The following AOPEP variants were observed in gnomAD, a reference collection of about 807,000 sequenced individuals.
AOPEP encodes aminopeptidase O (putative), also known as aminopeptidase O.
Under a neutral mutation model 98.1 loss-of-function variants are expected in AOPEP, and 77 were observed. That is an observed-to-expected ratio of 0.78 (90% CI 0.65 to 0.95). AOPEP has a LOEUF of 0.95. Among genes scored for constraint, AOPEP ranks in the 40% least tolerant of loss-of-function variants. The pLI, the probability that AOPEP is intolerant of heterozygous loss-of-function variation, is 0.00. For missense variants in AOPEP, 1,024 were observed against 1,024.7 expected, an observed-to-expected ratio of 1.00 and a Z score of 0.01; for synonymous variants, 346 against 365.3, an observed-to-expected ratio of 0.95 and a Z score of 0.60.
intron 16 of AOPEP, among the ~76,000 whole-genome samples, chr9:95,083,608 C>T (rs1243144555): frequency 3.3e-5 from 5 of 151,448 alleles, no homozygotes; most frequent in East Asian, 2.0e-4. Flanking sequence ...ATGCACCACA[C>T]GTAGCGCGCA....
At chr9:94,943,939 A>C (rs1170236360) in intron 7 of AOPEP, among the ~76,000 whole-genome samples, 5 of 151,394 alleles carry the variant, frequency 3.3e-5, no homozygotes, top group Non-Finnish European at 5.9e-5. Flanking sequence ...AAAAAAAAAA[A>C]AAAAAAAACA....
At chr9:94,754,109 G>C (rs1438990361) in intron 1 of AOPEP, among the ~76,000 whole-genome samples, 11 of 152,176 alleles carry the variant, frequency 7.2e-5, no homozygotes, top group Non-Finnish European at 1.5e-5. Context: ...AGAAGTTGCA[G>C]AGTAATATGT....
At chr9:94,925,247 C>A (rs1190869835) in intron 6 of AOPEP, among the ~76,000 whole-genome samples, 1 of 152,238 alleles carries the variant, frequency 6.6e-6, no homozygotes, top group East Asian at 1.9e-4. Context: ...CCTTGGCCTC[C>A]CAAAGTGCTG....
At chr9:94,838,867 C>CT (rs1243312277) in intron 5 of AOPEP, among the ~76,000 whole-genome samples, 2 of 143,104 alleles carry the variant, frequency 1.4e-5, no homozygotes, top group Non-Finnish European at 3.0e-5. Context: ...AAGTATTTCA[C>CT]TTTTTTTGGA....
At chr9:95,013,252 G>A (rs887015612) in intron 13 of AOPEP, among the ~76,000 whole-genome samples, 9 of 151,710 alleles carry the variant, frequency 5.9e-5, no homozygotes, top group African/African-American at 1.9e-4. Context: ...TGGCATTTAG[G>A]AAGGCATCTA....
At chr9:95,149,995 A>G in the AOPEP span, 1 of 1,613,966 alleles carries the variant, frequency 6.2e-7, no homozygotes, top group African/African-American at 1.3e-5. Flanking sequence ...TCCATGACAG[A>G]TGAGGAGAGC....
intron 5 of AOPEP, among the ~76,000 whole-genome samples, chr9:94,819,697 C>A (rs558126849): frequency 2.6e-5 from 4 of 151,798 alleles, no homozygotes; most frequent in African/African-American, 9.7e-5. Flanking sequence ...CAGCCTCCTG[C>A]GTAGCTGGGA....
intron 5 of AOPEP, among the ~76,000 whole-genome samples, chr9:94,806,757 C>G (rs542863166): frequency 5.0e-4 from 76 of 152,288 alleles, no homozygotes; most frequent in African/African-American, 1.8e-3. Context: ...TTCTGGGACC[C>G]TGAAAGCCCT....
chr9:94,942,436 C>T (rs935706322), intron 7 of AOPEP, among the ~76,000 whole-genome samples: 4 of 152,090 alleles, frequency 2.6e-5, no homozygotes, highest in African/African-American at 7.2e-5. Context: ...CACAAAGACA[C>T]GAAAGAAGAA....
At chr9:95,096,735 C>T in the AOPEP span, among the ~76,000 whole-genome samples, 6 of 152,182 alleles carry the variant, frequency 3.9e-5, no homozygotes, top group African/African-American at 1.4e-4. Context: ...CCACGGGGGC[C>T]CTTTCAGCCC....
chr9:95,080,460 T>G (rs1309698444), intron 14 of AOPEP, among the ~76,000 whole-genome samples: 1 of 152,148 alleles, frequency 6.6e-6, no homozygotes, highest in Admixed American at 6.5e-5. Context: ...GAGGTTGCAG[T>G]GAGCCAGATC....
rs147755947 is a variant in AOPEP at position 94,873,891 on chromosome 9, C to G, written c.1365-50095C>G. ...TTAGTCAAGTTATAGCCACTACACA[C>G]AGTAAAGTGAGAAGATTATACATCT... On this transcript the variant is annotated intron_variant, in intron 5 of 16. Transcript: ENST00000375315. Among the ~76,000 whole-genome samples, 413 of 152,148 alleles carry G rather than the reference C, an allele frequency of 2.7e-3. 2 individuals are homozygous for G. The highest frequency in any genetic ancestry group is 6.8e-3 in the Middle Eastern group (2 of 294).
chr9:94,819,203 C>T (rs1264129080), intron 5 of AOPEP, among the ~76,000 whole-genome samples: 1 of 152,184 alleles, frequency 6.6e-6, no homozygotes, highest in Non-Finnish European at 1.5e-5. Context: ...TTGAGCCTGT[C>T]AGCTCCTGAA....
Position 94,956,863 on chromosome 9 carries a change from G to A in AOPEP, c.1872+848G>A, listed in dbSNP as rs908074456. Reference sequence around the variant, plus strand: ...ATCTCCAGTGTTAGATGTAAAGGATGTGCACGTATAATTTGAACACAGATG... The same window carrying A: ...ATCTCCAGTGTTAGATGTAAAGGATATGCACGTATAATTTGAACACAGATG... On this transcript the variant is annotated intron_variant, in intron 9 of 16. Coordinates refer to ENST00000375315, the MANE Select transcript of AOPEP (RefSeq NM_001193329.3). Among the ~76,000 whole-genome samples, 10 of 152,354 alleles carry A rather than the reference G, an allele frequency of 6.6e-5. No individual in the cohort carries two copies. The Middle Eastern group carries it at 0.01, about 155-fold the overall frequency.
chr9:94,830,065 CATGTGCAGG>C (rs1472886141), intron 5 of AOPEP, among the ~76,000 whole-genome samples: 4 of 152,150 alleles, frequency 2.6e-5, no homozygotes, highest in Non-Finnish European at 4.4e-5. Flanking sequence ...TTCTAGGGTA[CATGTGCAGG>C]ATGTGCAGGT....
At chr9:95,005,638 C>T in intron 13 of AOPEP, 22 bp downstream of exon 13, 1 of 1,604,776 alleles carries the variant, frequency 6.2e-7, no homozygotes, top group Non-Finnish European at 8.5e-7. Context: ...CGAGACGGTA[C>T]TCGGTGCAGG....
At chr9:94,765,765 T>C (rs1839471922) in intron 2 of AOPEP, among the ~76,000 whole-genome samples, 4 of 152,100 alleles carry the variant, frequency 2.6e-5, no homozygotes, top group Admixed American at 2.6e-4. Context: ...TACCAATAAT[T>C]TTATCATTAT....
chr9:95,041,482 G>T (rs954843650), intron 13 of AOPEP, among the ~76,000 whole-genome samples: 57 of 50,412 alleles, frequency 1.1e-3, no homozygotes, highest in Middle Eastern at 0.01. Context: ...TGTGTGTGTG[G>T]AGAGGGAGAG....
intron 10 of AOPEP, among the ~76,000 whole-genome samples, chr9:94,977,954 C>A (rs928909112): frequency 6.6e-6 from 1 of 152,184 alleles, no homozygotes; most frequent in Non-Finnish European, 1.5e-5. Flanking sequence ...TTTTAAGCAG[C>A]CTTTCATTTT....
Sources: allele counts gnomAD v4.1 joint callset (sites outside exome capture counted in the v4.1 genomes callset), GRCh38; gene constraint gnomAD v4.1.1; transcripts MANE v1.5; gene names NCBI Gene and HGNC (gene_info 2026-07-23, HGNC 2026-07-21).